The following WRAP53 variants were observed in gnomAD, a reference collection of about 807,000 sequenced individuals.
The protein encoded by WRAP53 is WD repeat containing antisense to TP53.
A neutral mutation model predicts 56.6 loss-of-function variants in WRAP53; 28 were observed. The ratio of observed to expected loss-of-function variants is 0.50; its 90% CI spans 0.37 to 0.68. WRAP53 has a LOEUF of 0.68. Among genes scored for constraint, WRAP53 ranks in the 30% least tolerant of loss-of-function variants. The pLI is 0.00. For synonymous variants in WRAP53, 283 were observed against 283.4 expected (o/e 1.00, Z 0.01); for missense variants, 671 against 715.5 (o/e 0.94, Z 0.71).
rs542272666 is a variant in WRAP53 at position 7,690,313 on chromosome 17, A to G, written c.642+612A>G. ...ACTGTGCTGGGATAAAGTGGTGGAC[A>G]AGACAGATGAAGGGCTGGTTTGCTT... On this transcript the variant is annotated intron_variant, in intron 4 of 10. Transcript: ENST00000396463. 3.9e-5 allele frequency among the ~76,000 whole-genome samples: 6 copies of G among 152,342 alleles called. No individual in the cohort carries two copies. In the East Asian group the frequency reaches 9.6e-4, roughly 24 times the overall value.
intron 4 of WRAP53, among the ~76,000 whole-genome samples, chr17:7,699,502 T>TTTTATATA (rs1555530501): frequency 8.5e-5 from 1 of 11,764 alleles, no homozygotes; most frequent in Non-Finnish European, 1.3e-4. Context: ...ATATATATAT[T>TTTTATATA]TATATATATA....
At position 7,702,923 on chromosome 17, in the gene WRAP53, T is replaced by A; in HGVS notation, c.1269-70T>A. 6.2e-7 allele frequency: 1 copy of A among 1,612,240 alleles called. No individual in the cohort carries two copies. The highest frequency in any genetic ancestry group is 2.2e-5 in the East Asian group (1 of 44,884). ...CCAGAGCCCAGCTGTAGGGTCCCAGTCCCTGGGTGTGAGGGGTTCCTGCCC... is the reference window on the plus strand; with the variant it reads ...CCAGAGCCCAGCTGTAGGGTCCCAGACCCTGGGTGTGAGGGGTTCCTGCCC... On this transcript the variant is annotated intron_variant, in intron 9 of 10. Coordinates refer to ENST00000396463, the MANE Select transcript of WRAP53 (RefSeq NM_001143992.2). This position sits in a 1 kb window ranked among gnomAD's most constrained non-coding sequence, Gnocchi z 5.0.
intron 2 of WRAP53, 61 bp downstream of exon 2, chr17:7,689,140 C>T: frequency 6.2e-7 from 1 of 1,613,598 alleles, no homozygotes; most frequent in Non-Finnish European, 8.5e-7. Flanking sequence ...GTCGATCTGT[C>T]CTCTGGTCCT....
At chr17:7,699,479 TATATATATATATATATATATA>T (rs1567577408) in intron 4 of WRAP53, among the ~76,000 whole-genome samples, 3 of 6,292 alleles carry the variant, frequency 4.8e-4, no homozygotes, top group East Asian at 0.014. Flanking sequence ...TATATATTTA[TATATATATATATATATATATA>T]TTTATATATA....
At position 7,701,502 on chromosome 17, in the gene WRAP53, G is replaced by A. The variant is rs566444649; in HGVS notation, c.775G>A (p.Ala259Thr). Reference sequence around the variant, plus strand: ...GGAGAACCCGATTCATATCTGGGACGCATTCACTGGAGAGCTCCGGGCTTC... The same window carrying A: ...GGAGAACCCGATTCATATCTGGGACACATTCACTGGAGAGCTCCGGGCTTC... ...SRENPIHIWD[A>T]FTGELRASFR... Residue 259 changes from alanine to threonine, a missense_variant, in exon 6 of 11, where the codon GCA becomes ACA. Around this residue, in one of 3 missense-constraint regions of WRAP53, gnomAD observed 406 missense variants for 418.5 expected, o/e 0.97. Coordinates refer to ENST00000396463, the MANE Select transcript of WRAP53 (RefSeq NM_001143992.2). This position sits in a 1 kb window ranked among gnomAD's most constrained non-coding sequence, Gnocchi z 4.2. 7 of 1,614,106 alleles carry A rather than the reference G, an allele frequency of 4.3e-6. No homozygotes were observed. Among genetic ancestry groups the A allele is most frequent in the African/African-American group, 1.3e-5 (1 of 74,932 alleles).
intron 4 of WRAP53, among the ~76,000 whole-genome samples, chr17:7,696,533 T>C (rs12950295): frequency 0.39 from 59,094 of 151,800 alleles, 16,991 homozygotes; most frequent in African/African-American, 0.81. Flanking sequence ...CTCCTGACCT[T>C]GTGATCCGCC....
intron 4 of WRAP53, among the ~76,000 whole-genome samples, chr17:7,692,494 G>A (rs1052929603): frequency 1.4e-4 from 21 of 150,946 alleles, no homozygotes; most frequent in African/African-American, 2.4e-4. Context: ...GGTGGCGGGC[G>A]CCTGTAATCC....
intron 4 of WRAP53, among the ~76,000 whole-genome samples, chr17:7,691,459 G>A (rs183107544): frequency 8.0e-4 from 116 of 145,030 alleles, no homozygotes; most frequent in African/African-American, 2.9e-3. Context: ...GCGTGATCTC[G>A]GCTCACTGCA....
intron 4 of WRAP53, among the ~76,000 whole-genome samples, chr17:7,698,994 A>G (rs988111117): frequency 8.6e-5 from 13 of 151,798 alleles, no homozygotes; most frequent in African/African-American, 3.1e-4. Context: ...CAGGAGTTTG[A>G]GGTTTCAGTG....
rs991571322 is a variant in WRAP53, at chr17:7,702,429, C to A, written c.1041C>A (p.Arg347=). 8 of 1,614,138 alleles carry A rather than the reference C, an allele frequency of 5.0e-6. No homozygotes were observed. The highest frequency in any genetic ancestry group is 6.8e-6 in the Non-Finnish European group (8 of 1,180,024). ...QPLYACGSYG[R]SLGLYAWDDG... is the part of the protein sequence containing the mutation. ...TCTATGCCTGTGGCTCCTACGGCCG[C>A]TCCCTGGGTCTGTATGCCTGGGATG... Residue 347 remains arginine (R), a synonymous_variant, in exon 8 of 11, where the codon CGC becomes CGA. Coordinates refer to ENST00000396463, the MANE Select transcript of WRAP53 (RefSeq NM_001143992.2). The surrounding 1 kb of genome is among the most constrained non-coding windows in gnomAD (Gnocchi z 5.0).
In WRAP53 at chr17:7,689,170, C is replaced by T. The variant is rs1017552747; in HGVS notation, c.432-54C>T. 3 of 1,613,446 alleles carry T rather than the reference C, an allele frequency of 1.9e-6. No homozygotes were observed. The African/African-American group carries it at 4.0e-5, about 22-fold the overall frequency. ...GGTCCTGAGACCCACTTCTCCAGGC[C>T]TCTGCCCCCTTTGCTTGGCGACCCA... On this transcript the variant is annotated intron_variant, in intron 2 of 10. Transcript: ENST00000396463.
intron 4 of WRAP53, among the ~76,000 whole-genome samples, chr17:7,691,356 G>A (rs2074105845): frequency 6.6e-6 from 1 of 151,826 alleles, no homozygotes; most frequent in South Asian, 2.1e-4. Flanking sequence ...TATGGGTAAG[G>A]CATTTGGAGT....
In WRAP53 at chr17:7,703,395, G is replaced by T. The variant is rs751494826; in HGVS notation, c.1556G>T (p.Cys519Phe). Residue 519 changes from cysteine to phenylalanine, a missense_variant, in exon 11 of 11, where the codon TGT becomes TTT. Around this residue, in one of 3 missense-constraint regions of WRAP53, gnomAD observed 107 missense variants for 81.3 expected, o/e 1.32. Transcript: ENST00000396463. ...HLECRLQLWW[C>F]GGAPDSSIPD... is the part of the protein sequence containing the mutation. Reference sequence around the variant, plus strand: ...GAATGTCGGCTTCAGCTCTGGTGGTGTGGGGGGGCGCCAGACTCCAGCATC... The same window carrying T: ...GAATGTCGGCTTCAGCTCTGGTGGTTTGGGGGGGCGCCAGACTCCAGCATC... The T allele has an allele frequency of 1.2e-6, 2 of 1,613,772 alleles. No homozygotes were observed. The highest frequency in any genetic ancestry group is 1.3e-5 in the African/African-American group (1 of 74,980).
chr17:7,696,560 A>C (rs1349484351), intron 4 of WRAP53, among the ~76,000 whole-genome samples: 1 of 152,118 alleles, frequency 6.6e-6, no homozygotes, highest in Non-Finnish European at 1.5e-5. Flanking sequence ...GGCCTCCCAA[A>C]GTGCTGGGAT....
intron 5 of WRAP53, 62 bp downstream of exon 5, chr17:7,700,891 G>A: frequency 8.0e-7 from 1 of 1,254,612 alleles, no homozygotes; most frequent in South Asian, 1.2e-5. Flanking sequence ...GGGCCTCTTG[G>A]GAGAGTCAAG....
chr17:7,687,368 G>C, upstream of WRAP53: 1 of 398,500 alleles, frequency 2.5e-6, no homozygotes, highest in East Asian at 3.6e-5. Flanking sequence ...AGTTCAGTCA[G>C]GAGCTTACCC....
At position 7,688,783 on chromosome 17, in the gene WRAP53, C is replaced by T. The variant is rs752880493; in HGVS notation, c.135C>T (p.Pro45=). The part of the protein sequence containing the change: ...NADSELMPPP[P]ERGDPPRLSP... ...ACTCTGAACTGATGCCACCGCCTCC[C>T]GAAAGGGGGGATCCGCCCCGGTTGT... The change falls in exon 2 of 11, where the codon CCC becomes CCT. Residue 45 remains proline (P), a synonymous_variant. Transcript: ENST00000396463. 1.2e-6 allele frequency: 2 copies of T among 1,614,062 alleles called. No homozygotes were observed. Among genetic ancestry groups the T allele is most frequent in the Non-Finnish European group, 8.5e-7 (1 of 1,180,038 alleles).
At chr17:7,700,896 G>A (rs2074265113) in intron 5 of WRAP53, 67 bp downstream of exon 5, 1 of 1,204,626 alleles carries the variant, frequency 8.3e-7, no homozygotes, top group African/African-American at 1.5e-5. Flanking sequence ...TCTTGGGAGA[G>A]TCAAGGGCTG....
At chr17:7,697,710 C>T (rs575773318) in intron 4 of WRAP53, among the ~76,000 whole-genome samples, 2 of 152,094 alleles carry the variant, frequency 1.3e-5, no homozygotes, top group African/African-American at 4.8e-5. Context: ...AAAAGGTGTA[C>T]CTAACTAAAT....
Sources: gnomAD v4.1 joint callset for allele counts (sites outside exome capture counted in the v4.1 genomes callset) on GRCh38, gnomAD v4.1.1 for gene constraint, gnomAD v4.1.1 regional missense constraint, Gnocchi (gnomAD v3.1) non-coding constraint, MANE v1.5 for transcripts, NCBI Gene and HGNC (gene_info 2026-07-23, HGNC 2026-07-21) for gene names.